The following DYNC2H1 variants were observed in gnomAD, a reference collection of about 807,000 sequenced individuals.
The protein encoded by DYNC2H1 is dynein cytoplasmic 2 heavy chain 1.
DYNC2H1 carries 410 observed loss-of-function variants against 570.0 expected under a neutral mutation model. The ratio of observed to expected loss-of-function variants is 0.72; its 90% CI spans 0.66 to 0.78. DYNC2H1 has a LOEUF of 0.78. Among genes scored for constraint, DYNC2H1 ranks in the 30% least tolerant of loss-of-function variants. The pLI is 0.00. For synonymous variants in DYNC2H1, 1,688 were observed against 1,677.6 expected (o/e 1.01, Z -0.15); for missense variants, 4,865 against 5,046.4 (o/e 0.96, Z 1.09).
chr11:103,135,533 C>T lies in DYNC2H1; in HGVS notation c.2244C>T (p.His748=), dbSNP rs373707570. ...QASDMHAWKQ[H]WNHQLYKALE... The stretch of plus-strand genomic sequence containing the variant: ...GTGACATGCATGCATGGAAACAACA[C>T]TGGAATCATCAACTGTACAAAGCTC... Residue 748 remains histidine (H), a synonymous_variant, in exon 16 of 89, where the codon CAC becomes CAT. Coordinates refer to ENST00000375735, the MANE Select transcript of DYNC2H1 (RefSeq NM_001377.3). The T allele has an allele frequency of 1.7e-4, 268 of 1,601,966 alleles. 1 individual carries two copies. In the South Asian group the frequency reaches 1.8e-3, roughly 11 times the overall value.
intron 82 of DYNC2H1, among the ~76,000 whole-genome samples, chr11:103,344,269 A>G (rs1939626112): frequency 1.3e-5 from 2 of 152,338 alleles, no homozygotes; most frequent in African/African-American, 2.4e-5. Flanking sequence ...AACTCTATCC[A>G]TGAAACAAAA....
intron 84 of DYNC2H1, among the ~76,000 whole-genome samples, chr11:103,425,631 G>C (rs1457126164): frequency 2.0e-5 from 3 of 151,846 alleles, no homozygotes; most frequent in Non-Finnish European, 2.9e-5. Context: ...GATGAGGTTT[G>C]AATATTTGTT....
chr11:103,428,252 G>T (rs377737844), intron 84 of DYNC2H1, among the ~76,000 whole-genome samples: 8 of 147,208 alleles, frequency 5.4e-5, no homozygotes, highest in African/African-American at 2.0e-4. Context: ...GAAAAAGCTT[G>T]CAGTTGGATG....
chr11:103,379,225 G>A (rs1160864811), intron 83 of DYNC2H1, among the ~76,000 whole-genome samples: 4 of 152,088 alleles, frequency 2.6e-5, no homozygotes, highest in Admixed American at 6.6e-5. Context: ...CTCTCCTCCT[G>A]CTTAAAGTGC....
chr11:103,468,711 A>AT lies in DYNC2H1; in HGVS notation c.12765+6_12765+7insT. The AT allele has an allele frequency of 1.3e-6, 2 of 1,584,358 alleles. No individual in the cohort carries two copies. The highest frequency in any genetic ancestry group is 1.7e-6 in the Non-Finnish European group (2 of 1,155,652). On this transcript the variant is annotated splice_region_variant and intron_variant, in intron 88 of 88. Coordinates refer to ENST00000375735, the MANE Select transcript of DYNC2H1 (RefSeq NM_001377.3). ...TTATGGGCTGGATTCCACAGGTAAT[A>AT]CATTTTTAACAAGCACAAGTTTTAA...
chr11:103,266,983 T>C (rs900523264), intron 70 of DYNC2H1, among the ~76,000 whole-genome samples: 1 of 152,196 alleles, frequency 6.6e-6, no homozygotes, highest in Non-Finnish European at 1.5e-5. Context: ...CCAGCTCTGC[T>C]GCACATACTC....
At chr11:103,374,461 A>G (rs1028388039) in intron 83 of DYNC2H1, among the ~76,000 whole-genome samples, 3 of 152,204 alleles carry the variant, frequency 2.0e-5, no homozygotes, top group Non-Finnish European at 4.4e-5. Flanking sequence ...ATACCCAAGA[A>G]CGTGGAAAGC....
intron 87 of DYNC2H1, among the ~76,000 whole-genome samples, chr11:103,464,323 G>C (rs894056278): frequency 6.6e-6 from 1 of 150,904 alleles, no homozygotes; most frequent in Middle Eastern, 3.5e-3. Flanking sequence ...CATTAGATAT[G>C]ATTGAAGAAG....
intron 88 of DYNC2H1, among the ~76,000 whole-genome samples, chr11:103,475,695 G>C (rs1465170950): frequency 6.6e-6 from 1 of 152,078 alleles, no homozygotes; most frequent in African/African-American, 2.4e-5. Context: ...TTGTACCCTG[G>C]CTGTAAGACA....
chr11:103,116,504 C>T (rs1465653709), intron 4 of DYNC2H1, 66 bp from the exon 5 acceptor site: 8 of 1,298,476 alleles, frequency 6.2e-6, no homozygotes, highest in African/African-American at 1.5e-5. Flanking sequence ...GGCCTGGGAA[C>T]ATTTTGATTA....
intron 70 of DYNC2H1, among the ~76,000 whole-genome samples, chr11:103,276,118 G>C (rs1865896677): frequency 6.6e-6 from 1 of 151,970 alleles, no homozygotes; most frequent in East Asian, 1.9e-4. Flanking sequence ...ATATGATGTG[G>C]AACTTTTTTT....
rs1035637883 is a variant in DYNC2H1 at position 103,157,435 on chromosome 11, C to T, written c.4127+665C>T. ...GCTTAATTTACCAGTTCCTTTCCAA[C>T]AAATCTTTCTTCTTTCTGATTCCTA... On this transcript the variant is annotated intron_variant, in intron 26 of 88. Transcript: ENST00000375735. This position sits in a 1 kb window ranked among gnomAD's most constrained non-coding sequence, Gnocchi z 4.2. Among the ~76,000 whole-genome samples, 16 of 152,236 alleles carry T rather than the reference C, an allele frequency of 1.1e-4. No individual in the cohort carries two copies. The highest frequency in any genetic ancestry group is 2.1e-4 in the Non-Finnish European group (14 of 68,036).
chr11:103,166,080 T>A, intron 31 of DYNC2H1, 32 bp downstream of exon 31: 1 of 1,466,522 alleles, frequency 6.8e-7, no homozygotes, highest in Non-Finnish European at 9.0e-7. Context: ...TTCTGCCTGG[T>A]TTTGGGTTAT....
intron 5 of DYNC2H1, 116 bp downstream of exon 5, chr11:103,116,830 G>A: frequency 2.4e-6 from 2 of 830,002 alleles, no homozygotes. Context: ...AACTCTTAAA[G>A]CAAATCATGT....
At chr11:103,346,720 T>C (rs1939762211) in intron 82 of DYNC2H1, among the ~76,000 whole-genome samples, 1 of 152,234 alleles carries the variant, frequency 6.6e-6, no homozygotes, top group African/African-American at 2.4e-5. Flanking sequence ...GAAAGAACTA[T>C]GTACTTATCT....
intron 55 of DYNC2H1, among the ~76,000 whole-genome samples, chr11:103,217,448 C>T (rs1038013562): frequency 6.6e-6 from 1 of 151,954 alleles, no homozygotes; most frequent in African/African-American, 2.4e-5. Flanking sequence ...GGAATGTGGT[C>T]GGTTGATTTT....
intron 86 of DYNC2H1, among the ~76,000 whole-genome samples, chr11:103,455,912 CAG>C (rs1238713637): frequency 1.3e-5 from 2 of 152,094 alleles, no homozygotes; most frequent in African/African-American, 4.8e-5. Context: ...TAGTAACTCT[CAG>C]GGGTATTTCA....
Position 103,181,783 on chromosome 11 carries a change from T to C in DYNC2H1, c.6374T>C (p.Leu2125Pro). The C allele has an allele frequency of 1.3e-6, 2 of 1,569,390 alleles. No homozygotes were observed. The highest frequency in any genetic ancestry group is 1.7e-6 in the Non-Finnish European group (2 of 1,155,236). Residue 2125 changes from leucine to proline, a missense_variant, in exon 40 of 89, where the codon CTG (leucine) becomes CCG (proline). Around this residue, in one of 5 missense-constraint regions of DYNC2H1, gnomAD observed 231 missense variants for 310.3 expected, o/e 0.74. Coordinates refer to ENST00000375735, the MANE Select transcript of DYNC2H1 (RefSeq NM_001377.3). This position sits in a 1 kb window ranked among gnomAD's most constrained non-coding sequence, Gnocchi z 5.0. ...LSDEETDLNS[L>P]IKSWLRNQPA... is the part of the protein sequence containing the mutation. Reference sequence around the variant, plus strand: ...GATGAAGAGACAGATCTTAATTCTCTGATAAAATCTTGGTTGAGGAATCAG... The same window carrying C: ...GATGAAGAGACAGATCTTAATTCTCCGATAAAATCTTGGTTGAGGAATCAG...
At chr11:103,353,069 T>A (rs193184989) in intron 82 of DYNC2H1, among the ~76,000 whole-genome samples, 26 of 152,268 alleles carry the variant, frequency 1.7e-4, no homozygotes, top group African/African-American at 6.0e-4. Context: ...ATACCATATG[T>A]TCTCCTTCAT....
Sources: allele counts gnomAD v4.1 joint callset (sites outside exome capture counted in the v4.1 genomes callset), GRCh38; gene constraint gnomAD v4.1.1; regional missense constraint gnomAD v4.1.1; non-coding constraint Gnocchi (gnomAD v3.1); transcripts MANE v1.5; gene names NCBI Gene and HGNC (gene_info 2026-07-23, HGNC 2026-07-21).